The following ERCC8 variants were observed in gnomAD, a reference collection of about 807,000 sequenced individuals.
The protein encoded by ERCC8 is DNA excision repair protein ERCC-8.
ERCC8 carries 52 observed loss-of-function variants against 54.9 expected under a neutral mutation model. The ratio of observed to expected loss-of-function variants is 0.95; its 90% CI spans 0.76 to 1.19. The LOEUF (loss-of-function observed/expected upper bound fraction) is 1.19, where lower values mean the gene tolerates loss of function less well. Ranked by LOEUF, ERCC8 falls within the 50% of genes most tolerant of loss-of-function variation. The pLI is 0.00. For missense variants in ERCC8, 514 were observed against 466.1 expected (o/e 1.10, Z -0.95); for synonymous variants, 146 against 157.2 (o/e 0.93, Z 0.53).
chr5:60,890,992 C>T lies in ERCC8; in HGVS notation c.938G>A (p.Gly313Asp), dbSNP rs377001963. Residue 313 changes from glycine to aspartate, a missense_variant, in exon 10 of 12, where the codon GGT becomes GAT. By Grantham distance (94) the Gly-to-Asp change is moderately conservative. Transcript: ENST00000676185. ...CSSEFVFVPY[G>D]STIAVYTVYS... ...AACTGTATAAACAGCAATGGTGCTACCATATGGTACAAAAACAAATTCTGA... is the reference window on the plus strand; with the variant it reads ...AACTGTATAAACAGCAATGGTGCTATCATATGGTACAAAAACAAATTCTGA... The T allele has an allele frequency of 1.4e-5, 22 of 1,612,788 alleles. No individual in the cohort carries two copies. The highest frequency in any genetic ancestry group is 1.8e-5 in the Non-Finnish European group (21 of 1,179,134).
chr5:60,882,490 G>A (rs1171297071), intron 11 of ERCC8, among the ~76,000 whole-genome samples: 4 of 152,116 alleles, frequency 2.6e-5, no homozygotes, highest in Non-Finnish European at 4.4e-5. Flanking sequence ...TGCCCCCCAG[G>A]TTCAAGTGAG....
chr5:60,882,970 AACACACACACACAC>A (rs10550173), intron 11 of ERCC8, among the ~76,000 whole-genome samples: 3 of 144,738 alleles, frequency 2.1e-5, no homozygotes, highest in Non-Finnish European at 4.6e-5. Context: ...GCCCTGGGAA[AACACACACACACAC>A]ACACACACAC....
chr5:60,922,500 A>C lies in ERCC8; in HGVS notation c.174-345T>G, dbSNP rs538014812. Among the ~76,000 whole-genome samples, 5 of 152,222 alleles carry C rather than the reference A, an allele frequency of 3.3e-5. No individual in the cohort carries two copies. In the South Asian group the frequency reaches 1.0e-3, roughly 32 times the overall value. On this transcript the variant is annotated intron_variant, in intron 2 of 11. Coordinates refer to ENST00000676185, the MANE Select transcript of ERCC8 (RefSeq NM_000082.4). Reference sequence around the variant, plus strand: ...GTCCTAATTATGACTATGCTAAATAAAAAAGGAATTAGACAAACCAACTAT... The same window carrying C: ...GTCCTAATTATGACTATGCTAAATACAAAAGGAATTAGACAAACCAACTAT...
chr5:60,930,640 C>T (rs752863862), intron 1 of ERCC8, among the ~76,000 whole-genome samples: 4 of 152,200 alleles, frequency 2.6e-5, no homozygotes, highest in South Asian at 2.1e-4. Flanking sequence ...GCAGGAGAAT[C>T]GCTTGAACCC....
chr5:60,897,419 A>G (rs1333384868), intron 9 of ERCC8, among the ~76,000 whole-genome samples: 1 of 152,218 alleles, frequency 6.6e-6, no homozygotes, highest in Non-Finnish European at 1.5e-5. Flanking sequence ...TGTTTTGCCA[A>G]CTGCTGTCTA....
chr5:60,903,658 G>A lies in ERCC8; in HGVS notation c.540C>T (p.His180=). 6.2e-7 allele frequency: 1 copy of A among 1,612,486 alleles called. No individual in the cohort carries two copies. Among genetic ancestry groups the A allele is most frequent in the Non-Finnish European group, 8.5e-7 (1 of 1,178,992 alleles). The change falls in exon 6 of 12, where the codon CAC becomes CAT. Residue 180 remains histidine (H), a synonymous_variant. Transcript: ENST00000676185. ...LCDLKSGSCS[H]ILQGHRQEIL... ...ATAAAATAAAAATACCCTGTAGAAT[G>A]TGAGAACAGGATCCAGACTTCAAGT...
chr5:60,882,068 C>T (rs991956453), intron 11 of ERCC8, among the ~76,000 whole-genome samples: 1 of 152,286 alleles, frequency 6.6e-6, no homozygotes, highest in African/African-American at 2.4e-5. Flanking sequence ...ATCTCGATCT[C>T]CTGATCTCGT....
At chr5:60,944,849 G>C in intron 1 of ERCC8, 83 bp downstream of exon 1, 1 of 1,022,412 alleles carries the variant, frequency 9.8e-7, no homozygotes, top group East Asian at 2.4e-5. Flanking sequence ...AGAGCGATGA[G>C]ACGGGAAAGT....
At chr5:60,893,236 C>T (rs1748620125) in intron 9 of ERCC8, 7 of 1,009,840 alleles carry the variant, frequency 6.9e-6, no homozygotes. Flanking sequence ...TGTAATAAGC[C>T]TTCATAGTGG....
chr5:60,893,984 CT>C (rs35254362), intron 9 of ERCC8, among the ~76,000 whole-genome samples: 82,547 of 109,782 alleles, frequency 0.75, 29,944 homozygotes, highest in African/African-American at 0.86. Flanking sequence ...GGGAATTTAT[CT>C]TTTTTTTTTT....
chr5:60,922,181 T>C (rs750899599), intron 2 of ERCC8, 26 bp from the exon 3 acceptor site: 3 of 1,411,612 alleles, frequency 2.1e-6, no homozygotes, highest in East Asian at 4.6e-5. Flanking sequence ...TTCACATTAA[T>C]TTATCATTTT....
Position 60,869,367 on chromosome 5 carries a change from C to T in ERCC8, c.*5248G>A, listed in dbSNP as rs952390459. On this transcript the variant is annotated 3_prime_UTR_variant, in exon 12 of 12. Coordinates refer to ENST00000676185, the MANE Select transcript of ERCC8 (RefSeq NM_000082.4). ...ATGCAATATTTTTCTACCACTGTCT[C>T]ATTTCGATTTTAAATAATAAAGCTA... Among the ~76,000 whole-genome samples, 4 of 152,150 alleles carry T rather than the reference C, an allele frequency of 2.6e-5. No individual in the cohort carries two copies. The highest frequency in any genetic ancestry group is 4.4e-5 in the Non-Finnish European group (3 of 68,014).
chr5:60,938,634 G>T (rs944502853), intron 1 of ERCC8, among the ~76,000 whole-genome samples: 12 of 152,302 alleles, frequency 7.9e-5, no homozygotes, highest in African/African-American at 2.9e-4. Flanking sequence ...GATTACAGGC[G>T]TGAGCCACAG....
intron 4 of ERCC8, 91 bp downstream of exon 4, chr5:60,918,174 G>A (rs1749492390): frequency 5.0e-6 from 5 of 1,007,810 alleles, no homozygotes; most frequent in African/African-American, 1.6e-5. Context: ...TAACATATAT[G>A]ACATCTCAGC....
intron 11 of ERCC8, among the ~76,000 whole-genome samples, chr5:60,880,218 T>C (rs1200236334): frequency 6.6e-6 from 1 of 152,190 alleles, no homozygotes; most frequent in Non-Finnish European, 1.5e-5. Context: ...GCTTGTAGAG[T>C]TTCTGCCAAG....
intron 4 of ERCC8, among the ~76,000 whole-genome samples, chr5:60,911,513 T>G (rs1749262372): frequency 6.6e-6 from 1 of 152,140 alleles, no homozygotes; most frequent in Non-Finnish European, 1.5e-5. Context: ...ATGGGTAGAT[T>G]GCAAAAATTT....
chr5:60,904,606 C>A (rs1748997825), intron 5 of ERCC8, among the ~76,000 whole-genome samples, 186 bp downstream of exon 5: 2 of 117,326 alleles, frequency 1.7e-5, no homozygotes, highest in Admixed American at 9.9e-5. Context: ...AGTACAATAT[C>A]TGTTGAATAT....
chr5:60,879,671 G>C lies in ERCC8; in HGVS notation c.1123-4988C>G, dbSNP rs1293369357. On this transcript the variant is annotated intron_variant, in intron 11 of 11. Coordinates refer to ENST00000676185, the MANE Select transcript of ERCC8 (RefSeq NM_000082.4). ...TGTTGGTTTAAAGTCTGTTTTATCA[G>C]AGACTAGGATTACAACCTCTGCCTT... is the stretch of plus-strand genomic sequence containing the variant. Among the ~76,000 whole-genome samples, 3 of 152,214 alleles carry C rather than the reference G, an allele frequency of 2.0e-5. No individual in the cohort carries two copies. In the East Asian group the frequency reaches 5.8e-4, roughly 29 times the overall value.
chr5:60,897,224 A>T (rs771618734), intron 9 of ERCC8, among the ~76,000 whole-genome samples: 2 of 152,048 alleles, frequency 1.3e-5, no homozygotes, highest in Admixed American at 1.3e-4. Flanking sequence ...GCCTACCCTG[A>T]CTTCCCTATG....
Sources: gnomAD v4.1 joint callset for allele counts (sites outside exome capture counted in the v4.1 genomes callset) on GRCh38, gnomAD v4.1.1 for gene constraint, MANE v1.5 for transcripts, NCBI Gene and HGNC (gene_info 2026-07-23, HGNC 2026-07-21) for gene names.